Variants in MAGI3 observed in about 807,000 individuals in gnomAD.
The protein encoded by MAGI3 is membrane associated guanylate kinase, WW and PDZ domain containing 3.
Under a neutral mutation model 121.8 loss-of-function variants are expected in MAGI3, and 43 were observed. That is an observed-to-expected ratio of 0.35 (90% CI 0.28 to 0.46). MAGI3 has a LOEUF of 0.46. Ranked by LOEUF, MAGI3 falls within the 20% of genes least tolerant of loss-of-function variation. MAGI3 has a pLI of 1.00. For missense variants in MAGI3, 1,547 were observed against 1,797.3 expected, an observed-to-expected ratio of 0.86 and a Z score of 2.52; for synonymous variants, 553 against 639.3, an observed-to-expected ratio of 0.86 and a Z score of 2.04.
intron 1 of MAGI3, among the ~76,000 whole-genome samples, chr1:113,416,077 TG>T (rs1557743808): frequency 1.3e-5 from 2 of 148,534 alleles, no homozygotes; most frequent in East Asian, 3.9e-4. Flanking sequence ...ATGTAATTAA[TG>T]ACACATATTA....
chr1:113,676,073 C>G (rs1647850044), intron 19 of MAGI3, among the ~76,000 whole-genome samples: 1 of 151,870 alleles, frequency 6.6e-6, no homozygotes, highest in Non-Finnish European at 1.5e-5. Context: ...CTCTCTGTCT[C>G]TCTCTCACAC....
intron 1 of MAGI3, among the ~76,000 whole-genome samples, chr1:113,455,732 C>T (rs1654718074): frequency 6.6e-6 from 1 of 152,114 alleles, no homozygotes; most frequent in South Asian, 2.1e-4. Flanking sequence ...GTGCCATCTG[C>T]TCTCATAGCT....
intron 6 of MAGI3, among the ~76,000 whole-genome samples, chr1:113,597,453 T>C (rs147006331): frequency 2.6e-5 from 4 of 152,354 alleles, no homozygotes; most frequent in African/African-American, 9.6e-5. Flanking sequence ...ACAGATGAAT[T>C]GTATATATGT....
At chr1:113,465,514 AG>A (rs1324136964) in intron 1 of MAGI3, among the ~76,000 whole-genome samples, 1 of 151,800 alleles carries the variant, frequency 6.6e-6, no homozygotes, top group Non-Finnish European at 1.5e-5. Flanking sequence ...ATAAATGTTA[AG>A]TTTTTTTTTC....
At chr1:113,507,272 G>A (rs570232012) in intron 1 of MAGI3, among the ~76,000 whole-genome samples, 16 of 152,270 alleles carry the variant, frequency 1.1e-4, no homozygotes, top group Admixed American at 1.0e-3. Flanking sequence ...TATATGTACT[G>A]TAAGTGGCAT....
chr1:113,654,724 A>T (rs1653376503), intron 15 of MAGI3, among the ~76,000 whole-genome samples: 1 of 152,020 alleles, frequency 6.6e-6, no homozygotes, highest in Admixed American at 6.5e-5. Flanking sequence ...ATTTGTCTTG[A>T]TATTTCTATA....
intron 2 of MAGI3, among the ~76,000 whole-genome samples, chr1:113,568,467 C>T (rs956811370): frequency 6.6e-6 from 1 of 151,930 alleles, no homozygotes; most frequent in Non-Finnish European, 1.5e-5. Context: ...AAATTTCAGC[C>T]TTTTTAGCCT....
At chr1:113,505,190 T>G (rs1338842041) in intron 1 of MAGI3, among the ~76,000 whole-genome samples, 1 of 152,090 alleles carries the variant, frequency 6.6e-6, no homozygotes, top group Non-Finnish European at 1.5e-5. Flanking sequence ...AAAGAGCAAG[T>G]CAAGACTCAA....
chr1:113,493,037 C>T (rs1013359170), intron 1 of MAGI3, among the ~76,000 whole-genome samples: 4 of 152,126 alleles, frequency 2.6e-5, no homozygotes, highest in African/African-American at 9.7e-5. Flanking sequence ...CTAGAAAAAA[C>T]TATTTTAAAA....
At chr1:113,417,089 G>C (rs939491252) in intron 1 of MAGI3, among the ~76,000 whole-genome samples, 10 of 150,760 alleles carry the variant, frequency 6.6e-5, no homozygotes, top group African/African-American at 2.2e-4. Flanking sequence ...TGTTCTTTTA[G>C]ACCTTTTTTA....
At chr1:113,639,948 G>C (rs186618516) in intron 9 of MAGI3, among the ~76,000 whole-genome samples, 1 of 152,308 alleles carries the variant, frequency 6.6e-6, no homozygotes, top group East Asian at 1.9e-4. Flanking sequence ...CAGGTGTACT[G>C]GGATTACAGG....
chr1:113,514,157 C>A (rs545102349), intron 1 of MAGI3, among the ~76,000 whole-genome samples: 52 of 152,162 alleles, frequency 3.4e-4, no homozygotes, highest in Middle Eastern at 6.8e-3. Context: ...AGAAATAGGA[C>A]CACTTTTACA....
At chr1:113,664,961 T>C (rs1653959242) in intron 16 of MAGI3, among the ~76,000 whole-genome samples, 1 of 152,226 alleles carries the variant, frequency 6.6e-6, no homozygotes, top group Non-Finnish European at 1.5e-5. Context: ...TTGACCATGG[T>C]ACCCTTTATT....
intron 8 of MAGI3, among the ~76,000 whole-genome samples, chr1:113,621,671 G>A (rs919601017): frequency 1.3e-5 from 2 of 151,592 alleles, no homozygotes; most frequent in African/African-American, 4.8e-5. Context: ...AAAATGTGTT[G>A]TTTATCCATA....
chr1:113,654,051 G>GC, intron 15 of MAGI3, 33 bp downstream of exon 15: 1 of 1,539,508 alleles, frequency 6.5e-7, no homozygotes, highest in Non-Finnish European at 8.8e-7. Context: ...GTCTCTCCCT[G>GC]CAAGTCCAGT....
chr1:113,410,606 A>T (rs900990005), intron 1 of MAGI3, among the ~76,000 whole-genome samples: 7 of 139,266 alleles, frequency 5.0e-5, no homozygotes, highest in Non-Finnish European at 1.1e-4. Context: ...TATTATTATT[A>T]TTTTATTGGC....
At chr1:113,510,152 C>A (rs567552407) in intron 1 of MAGI3, among the ~76,000 whole-genome samples, 1 of 152,140 alleles carries the variant, frequency 6.6e-6, no homozygotes, top group East Asian at 1.9e-4. Context: ...GTTTTTCGTG[C>A]ATAAAAAATG....
At chr1:113,437,269 T>C (rs532108948) in intron 1 of MAGI3, among the ~76,000 whole-genome samples, 1 of 152,204 alleles carries the variant, frequency 6.6e-6, no homozygotes, top group South Asian at 2.1e-4. Flanking sequence ...CAAAACAGGC[T>C]TGGAACTAAA....
intron 5 of MAGI3, among the ~76,000 whole-genome samples, chr1:113,592,440 T>A (rs1648744045): frequency 6.6e-6 from 1 of 152,202 alleles, no homozygotes; most frequent in African/African-American, 2.4e-5. Context: ...CAATAAAATT[T>A]TGGATCATGG....
Sources: allele counts gnomAD v4.1 joint callset (sites outside exome capture counted in the v4.1 genomes callset), GRCh38; gene constraint gnomAD v4.1.1; transcripts MANE v1.5; gene names NCBI Gene and HGNC (gene_info 2026-07-23, HGNC 2026-07-21).